The following DVL1 variants were observed in gnomAD, a reference collection of about 807,000 sequenced individuals.
DVL1 encodes the protein dishevelled segment polarity protein 1.
In DVL1, 49 loss-of-function variants were observed where a neutral mutation model predicts 65.0. That is an observed-to-expected ratio of 0.75 (90% CI 0.60 to 0.96). DVL1 has a LOEUF of 0.96. Ranked by LOEUF, DVL1 falls within the 40% of genes least tolerant of loss-of-function variation. The probability of loss-of-function intolerance (pLI) is 0.00; values close to 1 mark genes in which losing one functional copy is unlikely to be tolerated. For synonymous variants in DVL1, 608 were observed against 433.9 expected (o/e 1.40, Z -4.99); for missense variants, 1,197 against 1,045.4 (o/e 1.15, Z -2.00).
At position 1,345,520 on chromosome 1, in the gene DVL1, C is replaced by T. The variant is rs147944452; in HGVS notation, c.171-2762G>A. ...GTCCCCGCGCCTCTGTAGCAGCCTC[C>T]GCTGAAACTCACGGCAGCTGCCAGG... On this transcript the variant is annotated intron_variant, in intron 1 of 14. Coordinates refer to ENST00000378888, the MANE Select transcript of DVL1 (RefSeq NM_001330311.2). 4.9e-3 allele frequency among the ~76,000 whole-genome samples: 747 copies of T among 152,286 alleles called. 4 individuals are homozygous for T. Among genetic ancestry groups the T allele is most frequent in the African/African-American group, 0.017 (709 of 41,556 alleles).
At chr1:1,341,933 T>A in intron 4 of DVL1, 120 bp downstream of exon 4, 1 of 1,458,282 alleles carries the variant, frequency 6.9e-7, no homozygotes. Flanking sequence ...TCGCTGGGCC[T>A]GTGCCTCCAC....
intron 1 of DVL1, 65 bp downstream of exon 1, chr1:1,348,831 C>T (rs966682322): frequency 3.6e-4 from 501 of 1,376,320 alleles, no homozygotes; most frequent in Non-Finnish European, 4.5e-4. Flanking sequence ...CCGCCCCGTC[C>T]CCGCGCGGGC....
intron 1 of DVL1, 57 bp from the exon 2 acceptor site, chr1:1,342,815 G>C (rs1461431775): frequency 6.4e-7 from 1 of 1,574,762 alleles, no homozygotes; most frequent in Non-Finnish European, 8.7e-7. Flanking sequence ...TGCGGTTCTA[G>C]AGGTGAGGCC....
chr1:1,347,435 C>T (rs775074705), intron 1 of DVL1, among the ~76,000 whole-genome samples: 1 of 152,174 alleles, frequency 6.6e-6, no homozygotes, highest in Non-Finnish European at 1.5e-5. Context: ...CTGTCTCTGC[C>T]CTGGGCAGCC....
intron 5 of DVL1, among the ~76,000 whole-genome samples, chr1:1,340,787 C>T (rs1229570673): frequency 4.7e-5 from 7 of 150,400 alleles, no homozygotes; most frequent in African/African-American, 1.7e-4. Flanking sequence ...CCTGCACACA[C>T]GCACCCCTGC....
chr1:1,343,740 G>A (rs1220262356), intron 1 of DVL1, among the ~76,000 whole-genome samples: 1 of 151,840 alleles, frequency 6.6e-6, no homozygotes, highest in African/African-American at 2.4e-5. Context: ...GGGCTGGGAG[G>A]GCCCACAGGT....
In DVL1 at chr1:1,339,383, T is replaced by C. The variant is rs1643705103; in HGVS notation, c.1111A>G (p.Thr371Ala). ...GTACCGTAGCGGGGCAGGGCTCCTGTCAGTGCCGCCGTGTGGGACAGCCAG... is the reference window on the plus strand; with the variant it reads ...GTACCGTAGCGGGGCAGGGCTCCTGCCAGTGCCGCCGTGTGGGACAGCCAG... ...AAWLSHTAAL[T>A]GALPRYGTSP... Residue 371 changes from threonine (T) to alanine (A), a missense_variant, in exon 11 of 15, where the codon ACA becomes GCA. By Grantham distance (58) the Thr-to-Ala change is moderately conservative (BLOSUM62 0). Coordinates refer to ENST00000378888, the MANE Select transcript of DVL1 (RefSeq NM_001330311.2). 1 of 1,548,922 alleles carries C rather than the reference T, an allele frequency of 6.5e-7. No individual in the cohort carries two copies.
In DVL1 at chr1:1,336,234, G is replaced by A; in HGVS notation, c.1996C>T (p.Leu666=). Residue 666 remains leucine (L), a synonymous_variant, in exon 15 of 15, where the codon CTG becomes TTG. Coordinates refer to ENST00000378888, the MANE Select transcript of DVL1 (RefSeq NM_001330311.2). ...GPPGGPPVRE[L]AAVPPELTGS... is the part of the protein sequence containing the mutation. ...GTCAATTCCGGGGGGACGGCAGCCA[G>A]CTCCCGGACAGGGGGTCCCCCGGGT... The A allele has an allele frequency of 6.4e-7, 1 of 1,558,032 alleles. No individual in the cohort carries two copies.
chr1:1,348,127 G>A (rs1272657813), intron 1 of DVL1, among the ~76,000 whole-genome samples: 2 of 152,216 alleles, frequency 1.3e-5, no homozygotes, highest in African/African-American at 2.4e-5. Context: ...CTGGTGGCTG[G>A]GCCGGGCCAG....
Position 1,336,455 on chromosome 1 carries a change from C to T in DVL1, c.1775G>A (p.Arg592His), listed in dbSNP as rs1260046124. 8.3e-6 allele frequency: 13 copies of T among 1,569,664 alleles called. No individual in the cohort carries two copies. The East Asian group carries it at 9.1e-5, about 11-fold the overall frequency. Residue 592 changes from arginine to histidine, a missense_variant, in exon 15 of 15, where the codon CGT becomes CAT. Arg to His is a conservative substitution (Grantham distance 29). Transcript: ENST00000378888. The stretch of plus-strand genomic sequence containing the variant: ...ACTGCCCCCAGCTCCCGCCGCCCGA[C>T]GCTCCTTCTCACGGCCCGGGGCCCG... ...SRRAPGREKE[R>H]RAAGAGGSGS...
intron 13 of DVL1, 40 bp downstream of exon 13, chr1:1,338,229 T>TTGCCCGC: frequency 6.6e-7 from 1 of 1,522,358 alleles, no homozygotes; most frequent in Non-Finnish European, 9.0e-7. Flanking sequence ...CCTCCGGCGT[T>TTGCCCGC]CCCCTCCCCC....
In DVL1 at chr1:1,349,249, G is replaced by A; in HGVS notation, c.-184C>T. On this transcript the variant is annotated 5_prime_UTR_variant, in exon 1 of 15. Transcript: ENST00000378888. This position sits in a 1 kb window ranked among gnomAD's most constrained non-coding sequence, Gnocchi z 4.1. ...CGGCCGCCGCCCCCGGCTCCCGCGC[G>A]CGTCCCGACTGCTGCCCCGCGGCCC... 5.4e-6 allele frequency: 1 copy of A among 185,944 alleles called. No individual in the cohort carries two copies. Among genetic ancestry groups the A allele is most frequent in the Non-Finnish European group, 9.7e-6 (1 of 102,742 alleles). The allele number at this position is 185,944 out of a possible 1,614,324, so 11.5% of individuals were successfully genotyped here. A position where few individuals can be genotyped will look rare whatever the true frequency, so the allele number is the denominator to read the frequency against.
chr1:1,339,700 C>A (rs1557666394), intron 9 of DVL1, 36 bp downstream of exon 9: 1 of 1,612,826 alleles, frequency 6.2e-7, no homozygotes, highest in East Asian at 2.2e-5. Context: ...CACCTCCCTG[C>A]CTGGCCCCTC....
Position 1,343,730 on chromosome 1 carries a change from G to A in DVL1, c.171-972C>T, listed in dbSNP as rs533852042. Among the ~76,000 whole-genome samples the A allele has an allele frequency of 5.1e-4, 77 of 152,124 alleles. 1 individual carries two copies. The South Asian group carries it at 6.2e-3, about 12-fold the overall frequency. Reference sequence around the variant, plus strand: ...TCAGACCCGACGGACGGACGTAGGTGGGCTGGGAGGGCCCACAGGTCCCCA... The same window carrying A: ...TCAGACCCGACGGACGGACGTAGGTAGGCTGGGAGGGCCCACAGGTCCCCA... On this transcript the variant is annotated intron_variant, in intron 1 of 14. Transcript: ENST00000378888.
chr1:1,337,806 G>A, intron 14 of DVL1, 171 bp downstream of exon 14: 3 of 720,876 alleles, frequency 4.2e-6, no homozygotes, highest in Non-Finnish European at 7.5e-6. Flanking sequence ...GTACACAGCA[G>A]GAGCATGGGA....
At position 1,338,519 on chromosome 1, in the gene DVL1, C is replaced by T. The variant is rs1298750549; in HGVS notation, c.1339+3G>A. 2 of 1,612,350 alleles carry T rather than the reference C, an allele frequency of 1.2e-6. No individual in the cohort carries two copies. The highest frequency in any genetic ancestry group is 3.3e-5 in the Admixed American group (2 of 60,008). ...CTATCCGCCCGCGGGGACGGCCACT[C>T]ACCGATGACGGCATTGGCGATGGTG... On this transcript the variant is annotated splice_donor_region_variant and intron_variant, in intron 12 of 14. Transcript: ENST00000378888.
chr1:1,338,458 C>A, intron 12 of DVL1, 22 bp from the exon 13 acceptor site: 1 of 1,608,682 alleles, frequency 6.2e-7, no homozygotes. Flanking sequence ...CAGCGGTCAG[C>A]CCGCAGCCTC....
Position 1,339,398 on chromosome 1 carries a change from G to C in DVL1, c.1096C>G (p.His366Asp). ...RPIDPAAWLS[H>D]TAALTGALPR... ...AGGGCTCCTGTCAGTGCCGCCGTGT[G>C]GGACAGCCAGGCGGCGGGGTCGATG... The change falls in exon 11 of 15, where the codon CAC becomes GAC. Residue 366 changes from histidine to aspartate, a missense_variant. His to Asp is a moderately conservative substitution (Grantham distance 81). Coordinates refer to ENST00000378888, the MANE Select transcript of DVL1 (RefSeq NM_001330311.2). 1 of 1,549,112 alleles carries C rather than the reference G, an allele frequency of 6.5e-7. No individual in the cohort carries two copies.
rs778958560 is a variant in DVL1 at position 1,336,289 on chromosome 1, C to G, written c.1941G>C (p.Thr647=). The G allele has an allele frequency of 1.3e-6, 2 of 1,561,988 alleles. No individual in the cohort carries two copies. The highest frequency in any genetic ancestry group is 1.3e-5 in the African/African-American group (1 of 74,254). The change falls in exon 15 of 15, where the codon ACG becomes ACC. Residue 647 remains threonine (T), a synonymous_variant. Coordinates refer to ENST00000378888, the MANE Select transcript of DVL1 (RefSeq NM_001330311.2). ...TAPGLPPPHP[T]TKAYTVVGGP... is the part of the protein sequence containing the mutation. Reference sequence around the variant, plus strand: ...CCCCCACCACTGTATAGGCCTTGGTCGTGGGGTGGGGCGGGGGGAGCCCCG... The same window carrying G: ...CCCCCACCACTGTATAGGCCTTGGTGGTGGGGTGGGGCGGGGGGAGCCCCG...
Sources: allele counts gnomAD v4.1 joint callset (sites outside exome capture counted in the v4.1 genomes callset), GRCh38; gene constraint gnomAD v4.1.1; non-coding constraint Gnocchi (gnomAD v3.1); transcripts MANE v1.5; gene names NCBI Gene and HGNC (gene_info 2026-07-23, HGNC 2026-07-21).